TOX: variants seen among roughly 807,000 people sequenced by gnomAD.
TOX encodes the protein thymocyte selection-associated high mobility group box protein TOX.
Under a neutral mutation model 53.7 loss-of-function variants are expected in TOX, and 11 were observed. That is an observed-to-expected ratio of 0.20 (90% confidence interval 0.13 to 0.34). The LOEUF (loss-of-function observed/expected upper bound fraction) is 0.34. Ranked by LOEUF, TOX falls within the 10% of genes least tolerant of loss-of-function variation. TOX has a pLI of 1.00. For synonymous variants in TOX, 225 were observed against 245.3 expected (o/e 0.92, Z 0.77); for missense variants, 570 against 664.6 (o/e 0.86, Z 1.56).
Position 58,943,500 on chromosome 8 carries a change from C to T in TOX, c.169-3956G>A, listed in dbSNP as rs539516215. On this transcript the variant is annotated intron_variant, in intron 2 of 8. Coordinates refer to ENST00000361421, the MANE Select transcript of TOX (RefSeq NM_014729.3). ...TTCCCTCCCTCAAGACTCAGTGAGGCCTGGAGTTTACAGATCATTCATTCT... is the reference window on the plus strand; with the variant it reads ...TTCCCTCCCTCAAGACTCAGTGAGGTCTGGAGTTTACAGATCATTCATTCT... Among the ~76,000 whole-genome samples the T allele has an allele frequency of 1.9e-4, 29 of 152,116 alleles. No individual in the cohort carries two copies. In the South Asian group the frequency reaches 5.6e-3, roughly 29 times the overall value.
In TOX at chr8:59,033,395, C is replaced by T. The variant is rs543910840; in HGVS notation, c.103-73387G>A. ...TGGCAGAGGGAAGAATGGGGAGATA[C>T]CAGAGGATGCAGAATTTCAGTTGGG... On this transcript the variant is annotated intron_variant, in intron 1 of 8. Transcript: ENST00000361421. Among the ~76,000 whole-genome samples the T allele has an allele frequency of 6.6e-5, 10 of 152,218 alleles. No homozygotes were observed. The South Asian group carries it at 1.0e-3, about 16-fold the overall frequency.
At chr8:58,914,794 G>A (rs1811975520) in intron 3 of TOX, among the ~76,000 whole-genome samples, 4 of 151,856 alleles carry the variant, frequency 2.6e-5, no homozygotes, top group Admixed American at 2.6e-4. Context: ...GAGGTACCGG[G>A]TTCATCTCAC....
chr8:59,106,968 C>A (rs1018178819), intron 1 of TOX, among the ~76,000 whole-genome samples: 3 of 145,194 alleles, frequency 2.1e-5, no homozygotes, highest in African/African-American at 5.3e-5. Context: ...AAAATCCTAA[C>A]CTTTTCAACT....
chr8:59,043,860 C>T (rs1336922932), intron 1 of TOX, among the ~76,000 whole-genome samples: 1 of 152,196 alleles, frequency 6.6e-6, no homozygotes, highest in South Asian at 2.1e-4. Flanking sequence ...GGCATTCAGC[C>T]CTGAATTCAT....
chr8:58,816,479 A>G (rs1045744906), intron 6 of TOX, among the ~76,000 whole-genome samples: 1 of 152,212 alleles, frequency 6.6e-6, no homozygotes, highest in Non-Finnish European at 1.5e-5. Context: ...TTTAAAACTG[A>G]ACATTTCAGT....
intron 1 of TOX, among the ~76,000 whole-genome samples, chr8:59,102,382 C>T (rs1371036488): frequency 1.3e-5 from 2 of 152,086 alleles, no homozygotes; most frequent in Admixed American, 6.6e-5. Flanking sequence ...CACATGCCAC[C>T]ACACCTGGCT....
chr8:58,925,808 G>A (rs1401279416), intron 3 of TOX, among the ~76,000 whole-genome samples: 1 of 152,022 alleles, frequency 6.6e-6, no homozygotes, highest in Non-Finnish European at 1.5e-5. Context: ...AGTATACTGC[G>A]CTCTGAGAAA....
chr8:58,941,061 C>G (rs1473960907), intron 2 of TOX, among the ~76,000 whole-genome samples: 1 of 152,096 alleles, frequency 6.6e-6, no homozygotes, highest in African/African-American at 2.4e-5. Flanking sequence ...AAAAAATCAC[C>G]AGCTCTAGAA....
intron 3 of TOX, among the ~76,000 whole-genome samples, chr8:58,883,893 G>A (rs1163720674): frequency 2.0e-5 from 3 of 152,076 alleles, no homozygotes; most frequent in Non-Finnish European, 2.9e-5. Flanking sequence ...AATAAAGATT[G>A]TGTGAATCTT....
At chr8:58,996,802 C>T (rs960606075) in intron 1 of TOX, among the ~76,000 whole-genome samples, 6 of 152,204 alleles carry the variant, frequency 3.9e-5, no homozygotes, top group African/African-American at 1.4e-4. Flanking sequence ...ACACCAGTTT[C>T]CTTTGAAAAG....
intron 1 of TOX, among the ~76,000 whole-genome samples, chr8:59,058,038 A>C (rs1803914535): frequency 6.6e-6 from 1 of 152,216 alleles, no homozygotes; most frequent in African/African-American, 2.4e-5. Context: ...ATATAAAACC[A>C]ATATCCCTAT....
Position 58,851,197 on chromosome 8 carries a change from A to T in TOX, c.693+327T>A, listed in dbSNP as rs1213810167. On this transcript the variant is annotated intron_variant, in intron 4 of 8. Coordinates refer to ENST00000361421, the MANE Select transcript of TOX (RefSeq NM_014729.3). This position sits in a 1 kb window ranked among gnomAD's most constrained non-coding sequence, Gnocchi z 4.4. ...CTCTCTCTCTCTCTCACACACACAC[A>T]CACACACACACACACGACCTTCATT... is the stretch of plus-strand genomic sequence containing the variant. Among the ~76,000 whole-genome samples, 177 of 119,652 alleles carry T rather than the reference A, an allele frequency of 1.5e-3. No individual in the cohort carries two copies. Among genetic ancestry groups the T allele is most frequent in the East Asian group, 3.9e-3 (18 of 4,628 alleles). 78.5% of individuals were successfully genotyped at this position (119,652 alleles called of 152,430 possible).
At chr8:58,874,507 G>C (rs1811253221) in intron 3 of TOX, among the ~76,000 whole-genome samples, 1 of 152,068 alleles carries the variant, frequency 6.6e-6, no homozygotes, top group Non-Finnish European at 1.5e-5. Context: ...TCAGAGCCAA[G>C]GACAAGAATC....
intron 1 of TOX, among the ~76,000 whole-genome samples, chr8:59,084,459 C>G (rs540882823): frequency 1.1e-4 from 17 of 152,248 alleles, no homozygotes; most frequent in Non-Finnish European, 1.8e-4. Context: ...CCTATCCATG[C>G]AAATATCATG....
intron 1 of TOX, among the ~76,000 whole-genome samples, chr8:59,020,048 C>T (rs570777509): frequency 6.6e-6 from 1 of 152,156 alleles, no homozygotes; most frequent in East Asian, 1.9e-4. Context: ...TGAATTTATG[C>T]CTTGCCTATG....
chr8:58,931,443 T>G (rs989429426), intron 3 of TOX, among the ~76,000 whole-genome samples: 8 of 152,156 alleles, frequency 5.3e-5, no homozygotes, highest in Non-Finnish European at 1.0e-4. Flanking sequence ...AGGATTGACT[T>G]AATAAATGTC....
chr8:59,068,848 C>T (rs993713268), intron 1 of TOX, among the ~76,000 whole-genome samples: 2 of 152,210 alleles, frequency 1.3e-5, no homozygotes, highest in East Asian at 1.9e-4. Flanking sequence ...TGGCCACGGG[C>T]CCAGAGGAAG....
intron 2 of TOX, among the ~76,000 whole-genome samples, chr8:58,954,774 G>C (rs1387852294): frequency 1.3e-5 from 2 of 152,202 alleles, no homozygotes; most frequent in Admixed American, 1.3e-4. Flanking sequence ...AGGCCAAAAA[G>C]TAGAATCAAC....
At chr8:59,077,498 G>A (rs1024144764) in intron 1 of TOX, among the ~76,000 whole-genome samples, 6 of 152,104 alleles carry the variant, frequency 3.9e-5, no homozygotes, top group Non-Finnish European at 5.9e-5. Flanking sequence ...TGTGTGTCTC[G>A]TTGCTGTGAT....
Sources: gnomAD v4.1 joint callset for allele counts (sites outside exome capture counted in the v4.1 genomes callset) on GRCh38, gnomAD v4.1.1 for gene constraint, Gnocchi (gnomAD v3.1) non-coding constraint, MANE v1.5 for transcripts, NCBI Gene and HGNC (gene_info 2026-07-23, HGNC 2026-07-21) for gene names.